Variants in NMUR1 observed in about 807,000 individuals in gnomAD.
NMUR1 encodes neuromedin U receptor 1.
Under a neutral mutation model 18.8 loss-of-function variants are expected in NMUR1, and 16 were observed. The observed-to-expected ratio is 0.85, with a 90% CI of 0.58 to 1.29. NMUR1 has a LOEUF of 1.29. Ranked by LOEUF, NMUR1 falls within the 50% of genes most tolerant of loss-of-function variation. The pLI, the probability that NMUR1 is intolerant of heterozygous loss-of-function variation, is 0.00. For missense variants in NMUR1, 529 were observed against 580.3 expected, an observed-to-expected ratio of 0.91 and a Z score of 0.91; for synonymous variants, 258 against 258.2, an observed-to-expected ratio of 1.00 and a Z score of 0.01.
chr2:231,525,955 C>G (rs2047352623), intron 2 of NMUR1, among the ~76,000 whole-genome samples: 1 of 109,748 alleles, frequency 9.1e-6, no homozygotes, highest in Non-Finnish European at 2.1e-5. Context: ...TGCACACACA[C>G]AGACACACAC....
rs1240953521 is a variant in NMUR1, at chr2:231,530,393, A to G, written c.-32T>C. 6.1e-6 allele frequency: 9 copies of G among 1,480,112 alleles called. No individual in the cohort carries two copies. The Admixed American group carries it at 1.6e-4, about 26-fold the overall frequency. 91.7% of individuals were successfully genotyped at this position (1,480,112 alleles called of 1,614,324 possible). A position where few individuals can be genotyped will look rare whatever the true frequency, so the allele number is the denominator to read the frequency against. On this transcript the variant is annotated 5_prime_UTR_variant, in exon 1 of 3. Coordinates refer to ENST00000305141, the MANE Select transcript of NMUR1 (RefSeq NM_006056.5). ...CGCGGCCCGCGAGACCCCGGCTTCC[A>G]CCCTCCGAGCGACGGACACAGACGC... is the stretch of plus-strand genomic sequence containing the variant.
intron 2 of NMUR1, among the ~76,000 whole-genome samples, chr2:231,526,547 G>A (rs2047358080): frequency 6.6e-6 from 1 of 152,368 alleles, no homozygotes; most frequent in Non-Finnish European, 1.5e-5. Flanking sequence ...GCAGTGGGCA[G>A]CTGGTCCTGA....
rs942303781 is a variant in NMUR1 at position 231,530,316 on chromosome 2, C to A, written c.3+43G>T. ...GACCCTGCCCGCACCGAGCCCCGGC[C>A]CAGCTGCCGCGCCCTAGCCCACGCC... is the stretch of plus-strand genomic sequence containing the variant. On this transcript the variant is annotated intron_variant, in intron 1 of 2. Coordinates refer to ENST00000305141, the MANE Select transcript of NMUR1 (RefSeq NM_006056.5). 13 of 1,499,012 alleles carry A rather than the reference C, an allele frequency of 8.7e-6. 1 individual carries two copies. The highest frequency in any genetic ancestry group is 1.1e-5 in the Non-Finnish European group (13 of 1,131,110). 92.9% of individuals were successfully genotyped at this position (1,499,012 alleles called of 1,614,324 possible). A position where few individuals can be genotyped will look rare whatever the true frequency, so the allele number is the denominator to read the frequency against.
At chr2:231,528,094 C>T (rs746314629) in intron 2 of NMUR1, 29 bp downstream of exon 2, 2 of 1,521,442 alleles carry the variant, frequency 1.3e-6, no homozygotes, top group Admixed American at 4.2e-5. Flanking sequence ...GTGCCTGGCT[C>T]AGCCCCTCTT....
rs759659059 is a variant in NMUR1, at chr2:231,528,497, C to T, written c.524G>A (p.Arg175Gln). ...CCCAAGCACTCGGCGCACATGGGCC[C>T]GCGTCACCATGGACCTGGCCTGGAG... is the stretch of plus-strand genomic sequence containing the variant. ...HPLQARSMVT[R>Q]AHVRRVLGAV... Residue 175 changes from arginine (R) to glutamine (Q), a missense_variant, in exon 2 of 3, where the codon CGG becomes CAG. Transcript: ENST00000305141. 35 of 1,613,636 alleles carry T rather than the reference C, an allele frequency of 2.2e-5. No homozygotes were observed. The highest frequency in any genetic ancestry group is 2.0e-5 in the Non-Finnish European group (24 of 1,180,040).
chr2:231,521,403 T>G (rs1474093212), downstream of NMUR1, among the ~76,000 whole-genome samples: 1 of 152,050 alleles, frequency 6.6e-6, no homozygotes, highest in Non-Finnish European at 1.5e-5. Context: ...AAATGTGTCA[T>G]AGGAGCAGAG....
At chr2:231,523,090 C>G (rs932373954), downstream of NMUR1, 3 of 321,658 alleles carry the variant, frequency 9.3e-6, no homozygotes, top group African/African-American at 6.3e-5. Context: ...ATCCACTGGA[C>G]AAAAGGCCAG....
downstream of NMUR1, among the ~76,000 whole-genome samples, chr2:231,522,621 C>T (rs2047315460): frequency 6.6e-6 from 1 of 151,680 alleles, no homozygotes; most frequent in African/African-American, 2.4e-5. Flanking sequence ...CCCCACCCTC[C>T]CCCAAGGCCC....
At position 231,524,590 on chromosome 2, in the gene NMUR1, T is replaced by C. The variant is rs4973442; in HGVS notation, c.*453A>G. 0.28 allele frequency: 46,024 copies of C among 163,586 alleles called. 7,141 individuals are homozygous for C. Among genetic ancestry groups the C allele is most frequent in the East Asian group, 0.5 (2,731 of 5,494 alleles). The allele number at this position is 163,586 out of a possible 1,614,324, so 10.1% of individuals were successfully genotyped here. ...AAAGGTAGACTGATATGCTTGATGGTGCATGACAAGGTGGTGACAGCAGGG... is the reference window on the plus strand; with the variant it reads ...AAAGGTAGACTGATATGCTTGATGGCGCATGACAAGGTGGTGACAGCAGGG... On this transcript the variant is annotated 3_prime_UTR_variant, in exon 3 of 3. Coordinates refer to ENST00000305141, the MANE Select transcript of NMUR1 (RefSeq NM_006056.5).
chr2:231,528,734 T>C lies in NMUR1; in HGVS notation c.287A>G (p.Asn96Ser). ...CACGGCCAGGCTGAAGAGGTAGTAG[T>C]TGGTAGGCGTGCGCATGGCCTTGTG... ...LRHKAMRTPT[N>S]YYLFSLAVSD... Residue 96 changes from asparagine (N) to serine (S), a missense_variant, in exon 2 of 3, where the codon AAC becomes AGC. By Grantham distance (46) the Asn-to-Ser change is conservative (BLOSUM62 1). Transcript: ENST00000305141. 1 of 1,614,204 alleles carries C rather than the reference T, an allele frequency of 6.2e-7. No individual in the cohort carries two copies. Among genetic ancestry groups the C allele is most frequent in the Non-Finnish European group, 8.5e-7 (1 of 1,180,030 alleles).
Position 231,524,170 on chromosome 2 carries a change from A to C in NMUR1, c.*873T>G, listed in dbSNP as rs947851692. ...AAGCAGTGGCTTACACACACACAGAAAGAAAACCATAGCTAAAGTGCCAAA... is the reference window on the plus strand; with the variant it reads ...AAGCAGTGGCTTACACACACACAGACAGAAAACCATAGCTAAAGTGCCAAA... On this transcript the variant is annotated 3_prime_UTR_variant, in exon 3 of 3. Transcript: ENST00000305141. 2.0e-5 allele frequency: 3 copies of C among 152,240 alleles called. No individual in the cohort carries two copies. Among genetic ancestry groups the C allele is most frequent in the African/African-American group, 7.2e-5 (3 of 41,450 alleles). The allele number at this position is 152,240 out of a possible 1,614,324, so 9.4% of individuals were successfully genotyped here.
rs749973871 is a variant in NMUR1 at position 231,528,534 on chromosome 2, C to T, written c.487G>A (p.Val163Met). ...GACCTGGCCTGGAGTGGGTGCACCACGGCCACATAGCGTTCCACGCTCAGG... is the reference window on the plus strand; with the variant it reads ...GACCTGGCCTGGAGTGGGTGCACCATGGCCACATAGCGTTCCACGCTCAGG... ...TALSVERYVA[V>M]VHPLQARSMV... Residue 163 changes from valine to methionine, a missense_variant, in exon 2 of 3, where the codon GTG (valine) becomes ATG (methionine). Transcript: ENST00000305141. 8.4e-5 allele frequency: 135 copies of T among 1,613,968 alleles called. No homozygotes were observed. The highest frequency in any genetic ancestry group is 1.1e-4 in the Non-Finnish European group (133 of 1,180,040).
chr2:231,527,973 G>GACACACACACAC lies in NMUR1; in HGVS notation c.898+138_898+149dup, dbSNP rs57357206. 2,580 of 572,856 alleles carry GACACACACACAC rather than the reference G, an allele frequency of 4.5e-3. 15 individuals are homozygous for GACACACACACAC. Among genetic ancestry groups the GACACACACACAC allele is most frequent in the East Asian group, 0.033 (1,123 of 33,698 alleles). 35.5% of individuals were successfully genotyped at this position (572,856 alleles called of 1,614,324 possible). A position where few individuals can be genotyped will look rare whatever the true frequency, so the allele number is the denominator to read the frequency against. Reference sequence around the variant, plus strand: ...AAAGAGTACACAGGAGTGCAACTCAGACACACACACACACACACACACACA... The same window carrying GACACACACACAC: ...AAAGAGTACACAGGAGTGCAACTCAGACACACACACACACACACACACACACACACACACACA... On this transcript the variant is annotated intron_variant, in intron 2 of 2. Transcript: ENST00000305141.
chr2:231,525,496 G>A, intron 2 of NMUR1, 71 bp from the exon 3 acceptor site: 1 of 1,516,698 alleles, frequency 6.6e-7, no homozygotes, highest in Non-Finnish European at 8.9e-7. Context: ...GCTTCAGTTT[G>A]GGTCACCCAT....
intron 2 of NMUR1, among the ~76,000 whole-genome samples, chr2:231,527,058 GGC>G (rs2047362807): frequency 6.6e-6 from 1 of 152,122 alleles, no homozygotes; most frequent in African/African-American, 2.4e-5. Flanking sequence ...CCGCAGACAT[GGC>G]ATGGGGGAAA....
rs1032042878 is a variant in NMUR1, at chr2:231,523,314, A to C, written c.*1729T>G. Reference sequence around the variant, plus strand: ...TCTTAACCATTTCAGTGTATAGTTCAGTATTGTTATGTATATTCATATTGT... The same window carrying C: ...TCTTAACCATTTCAGTGTATAGTTCCGTATTGTTATGTATATTCATATTGT... On this transcript the variant is annotated 3_prime_UTR_variant, in exon 3 of 3. Transcript: ENST00000305141. The C allele has an allele frequency of 5.3e-5, 19 of 357,718 alleles. No individual in the cohort carries two copies. Among genetic ancestry groups the C allele is most frequent in the Non-Finnish European group, 9.1e-5 (18 of 196,886 alleles). 22.2% of individuals were successfully genotyped at this position (357,718 alleles called of 1,614,324 possible). A position where few individuals can be genotyped will look rare whatever the true frequency, so the allele number is the denominator to read the frequency against.
chr2:231,529,407 C>G (rs367856148), intron 1 of NMUR1, among the ~76,000 whole-genome samples: 1 of 151,858 alleles, frequency 6.6e-6, no homozygotes, highest in East Asian at 1.9e-4. Flanking sequence ...TTGCAGTGAG[C>G]GGAGATTGTG....
In NMUR1 at chr2:231,523,770, TG is replaced by T. The variant is rs1448019844; in HGVS notation, c.*1272del. On this transcript the variant is annotated 3_prime_UTR_variant, in exon 3 of 3. Transcript: ENST00000305141. ...GTCCTGGCTGAGCAATGACTTGGCC[TG>T]CAGGGATTCAGAATGGGGCTCAGTT... The T allele has an allele frequency of 2.0e-5, 3 of 152,820 alleles. No individual in the cohort carries two copies. The highest frequency in any genetic ancestry group is 2.0e-4 in the Admixed American group (3 of 15,296). 9.5% of individuals were successfully genotyped at this position (152,820 alleles called of 1,614,324 possible).
At chr2:231,530,268 T>C in intron 1 of NMUR1, 91 bp downstream of exon 1, 1 of 1,439,028 alleles carries the variant, frequency 6.9e-7, no homozygotes, top group Non-Finnish European at 9.3e-7. Context: ...GACGGAGCCC[T>C]CGGACCCTTC....
Sources: allele counts gnomAD v4.1 joint callset (sites outside exome capture counted in the v4.1 genomes callset), GRCh38; gene constraint gnomAD v4.1.1; transcripts MANE v1.5; gene names NCBI Gene and HGNC (gene_info 2026-07-23, HGNC 2026-07-21).